Variants in AGMO observed in about 807,000 individuals in gnomAD.
AGMO encodes the protein alkylglycerol monooxygenase.
AGMO carries 75 observed loss-of-function variants against 60.2 expected under a neutral mutation model. That is an observed-to-expected ratio of 1.25 (90% CI 1.03 to 1.51). The LOEUF is 1.51. Ranked by LOEUF, AGMO falls within the 40% of genes most tolerant of loss-of-function variation. AGMO has a pLI of 0.00. For synonymous variants in AGMO, 261 were observed against 177.1 expected, an observed-to-expected ratio of 1.47 and a Z score of -3.76; for missense variants, 763 against 525.5, an observed-to-expected ratio of 1.45 and a Z score of -4.42.
chr7:15,454,170 A>G (rs911016974), intron 3 of AGMO, among the ~76,000 whole-genome samples: 1 of 151,890 alleles, frequency 6.6e-6, no homozygotes, highest in Non-Finnish European at 1.5e-5. Flanking sequence ...CATTGTAGAA[A>G]ATTTGAAAAG....
chr7:15,386,111 G>A (rs909187084), intron 9 of AGMO, among the ~76,000 whole-genome samples: 7 of 151,946 alleles, frequency 4.6e-5, no homozygotes, highest in African/African-American at 1.7e-4. Context: ...AACCTGGTAG[G>A]CAGAGGCTGC....
chr7:15,182,102 A>C, the AGMO span, among the ~76,000 whole-genome samples: 1 of 152,218 alleles, frequency 6.6e-6, no homozygotes, highest in Admixed American at 6.5e-5. Context: ...CCAGTCAAAA[A>C]AAGGAAAAAT....
chr7:15,516,740 G>T (rs909615743), intron 3 of AGMO, among the ~76,000 whole-genome samples: 1 of 151,684 alleles, frequency 6.6e-6, no homozygotes, highest in Non-Finnish European at 1.5e-5. Flanking sequence ...GCCCTTGGGA[G>T]AAGTGAAAAA....
intron 2 of AGMO, among the ~76,000 whole-genome samples, chr7:15,547,415 C>A (rs933259167): frequency 6.6e-6 from 1 of 152,072 alleles, no homozygotes; most frequent in Non-Finnish European, 1.5e-5. Context: ...CCGGGTTCAT[C>A]TCACTAGGGA....
At chr7:15,494,648 C>T (rs1341865143) in intron 3 of AGMO, among the ~76,000 whole-genome samples, 2 of 152,142 alleles carry the variant, frequency 1.3e-5, no homozygotes, top group South Asian at 4.1e-4. Context: ...TGCCTTTTTC[C>T]TCGTCCATTT....
At chr7:15,447,587 G>A (rs537876539) in intron 3 of AGMO, among the ~76,000 whole-genome samples, 1 of 151,898 alleles carries the variant, frequency 6.6e-6, no homozygotes, top group South Asian at 2.1e-4. Context: ...GTCTAACTCT[G>A]TCACCCAGGC....
intron 3 of AGMO, among the ~76,000 whole-genome samples, chr7:15,505,027 T>C (rs1250628123): frequency 1.3e-5 from 2 of 151,972 alleles, no homozygotes; most frequent in African/African-American, 4.8e-5. Flanking sequence ...GTCTTCAATT[T>C]TGTAATGCCA....
intron 3 of AGMO, among the ~76,000 whole-genome samples, chr7:15,485,176 G>A (rs1413591108): frequency 6.7e-6 from 1 of 149,642 alleles, no homozygotes; most frequent in Non-Finnish European, 1.5e-5. Flanking sequence ...ACATTAGCAG[G>A]GCGTGATGGC....
intron 12 of AGMO, among the ~76,000 whole-genome samples, chr7:15,302,888 C>T (rs879544400): frequency 3.5e-4 from 53 of 152,014 alleles, no homozygotes; most frequent in Non-Finnish European, 7.1e-4. Flanking sequence ...TTTCTGCAGG[C>T]ATTACATCTT....
chr7:15,502,421 A>T (rs926114938), intron 3 of AGMO, among the ~76,000 whole-genome samples: 3 of 151,948 alleles, frequency 2.0e-5, no homozygotes. Flanking sequence ...GGAGAGAGAG[A>T]CAATTTATAA....
chr7:15,359,204 G>C (rs1291049439), intron 12 of AGMO, among the ~76,000 whole-genome samples: 1 of 150,130 alleles, frequency 6.7e-6, no homozygotes, highest in Non-Finnish European at 1.5e-5. Flanking sequence ...CAGGAGAAAT[G>C]CATGAACCCA....
chr7:15,272,832 C>A (rs1583350193), intron 12 of AGMO, among the ~76,000 whole-genome samples: 1 of 152,270 alleles, frequency 6.6e-6, no homozygotes, highest in Non-Finnish European at 1.5e-5. Flanking sequence ...GCCATTCTAA[C>A]TGGTGTGAGA....
intron 3 of AGMO, among the ~76,000 whole-genome samples, chr7:15,438,313 T>A (rs76022833): frequency 0.1 from 15,949 of 151,916 alleles, 901 homozygotes; most frequent in South Asian, 0.15. Flanking sequence ...AAGCTTATCA[T>A]GTAGGGAATA....
At chr7:15,247,551 C>G (rs1257659540) in intron 12 of AGMO, among the ~76,000 whole-genome samples, 1 of 151,586 alleles carries the variant, frequency 6.6e-6, no homozygotes, top group Non-Finnish European at 1.5e-5. Flanking sequence ...TAGCATTCAC[C>G]ACCAAAGCCA....
chr7:15,463,655 G>A (rs943129294), intron 3 of AGMO, among the ~76,000 whole-genome samples: 1 of 151,928 alleles, frequency 6.6e-6, no homozygotes, highest in Non-Finnish European at 1.5e-5. Flanking sequence ...TTTTTTCAAT[G>A]TACTGCTTGA....
chr7:15,423,909 G>T (rs1478631303), intron 4 of AGMO, among the ~76,000 whole-genome samples: 3 of 152,104 alleles, frequency 2.0e-5, no homozygotes, highest in African/African-American at 7.2e-5. Flanking sequence ...AATTTCTGTT[G>T]TTCTAAGCCA....
chr7:15,118,984 T>C, the AGMO span, among the ~76,000 whole-genome samples: 12 of 111,430 alleles, frequency 1.1e-4, no homozygotes, highest in Non-Finnish European at 1.9e-4. Flanking sequence ...AATTAAGCTA[T>C]TGGGGTTTTT....
At chr7:15,155,415 ATTTCTTTTT>A in the AGMO span, among the ~76,000 whole-genome samples, 4 of 67,990 alleles carry the variant, frequency 5.9e-5, no homozygotes, top group Non-Finnish European at 1.1e-4. Context: ...GCATTACAGA[ATTTCTTTTT>A]TTTTTTTTTT....
At chr7:15,277,542 T>TC (rs1443593763) in intron 12 of AGMO, among the ~76,000 whole-genome samples, 2 of 151,932 alleles carry the variant, frequency 1.3e-5, no homozygotes, top group Admixed American at 6.6e-5. Context: ...ATTTTTTTTT[T>TC]CTATTTTAAA....
Sources: gnomAD v4.1 joint callset for allele counts (sites outside exome capture counted in the v4.1 genomes callset) on GRCh38, gnomAD v4.1.1 for gene constraint, MANE v1.5 for transcripts, NCBI Gene and HGNC (gene_info 2026-07-23, HGNC 2026-07-21) for gene names.